PCDH9: variants seen among roughly 807,000 people sequenced by gnomAD.
The protein encoded by PCDH9 is protocadherin-9.
In PCDH9, 24 loss-of-function variants were observed where a neutral mutation model predicts 70.6. That is an observed-to-expected ratio of 0.34 (90% CI 0.25 to 0.48). The LOEUF (loss-of-function observed/expected upper bound fraction) is 0.48. Ranked by LOEUF, PCDH9 falls within the 20% of genes least tolerant of loss-of-function variation. PCDH9 has a pLI of 0.99. For missense variants in PCDH9, 1,281 were observed against 1,503.6 expected, an observed-to-expected ratio of 0.85 and a Z score of 2.45; for synonymous variants, 562 against 558.5, an observed-to-expected ratio of 1.01 and a Z score of -0.09.
chr13:67,224,939 A>C, intron 2 of PCDH9: 2 of 1,000,092 alleles, frequency 2.0e-6, no homozygotes, highest in Non-Finnish European at 2.4e-6. Flanking sequence ...ACTAAAAAAA[A>C]AATTAACCCC....
intron 4 of PCDH9, among the ~76,000 whole-genome samples, chr13:66,473,966 T>C (rs1958669941): frequency 6.6e-6 from 1 of 152,178 alleles, no homozygotes; most frequent in Admixed American, 6.5e-5. Context: ...GATCTTGATA[T>C]GTGTATAGCA....
intron 4 of PCDH9, among the ~76,000 whole-genome samples, chr13:66,309,645 TTGATA>T (rs148938906): frequency 0.015 from 2,322 of 151,982 alleles, 54 homozygotes; most frequent in African/African-American, 0.054. Context: ...TCCTTTTTCT[TTGATA>T]TATTTTTATT....
intron 2 of PCDH9, among the ~76,000 whole-genome samples, chr13:67,137,699 G>A (rs1442232565): frequency 6.6e-6 from 1 of 151,954 alleles, no homozygotes; most frequent in Non-Finnish European, 1.5e-5. Flanking sequence ...AGCTACTAAT[G>A]TCCTATTTAT....
chr13:66,325,823 C>T (rs1157166592), intron 4 of PCDH9, among the ~76,000 whole-genome samples: 1 of 152,120 alleles, frequency 6.6e-6, no homozygotes. Context: ...AAAATAGTCA[C>T]AGAATTAGAT....
chr13:66,747,413 G>A (rs2079387234), intron 3 of PCDH9, among the ~76,000 whole-genome samples: 1 of 151,552 alleles, frequency 6.6e-6, no homozygotes, highest in Admixed American at 6.6e-5. Flanking sequence ...GCATATATAT[G>A]GCATGACCAA....
intron 4 of PCDH9, among the ~76,000 whole-genome samples, chr13:66,623,625 A>C (rs1326090351): frequency 6.6e-6 from 1 of 152,088 alleles, no homozygotes; most frequent in Non-Finnish European, 1.5e-5. Flanking sequence ...TTTTTTGTAC[A>C]GACACGGTCT....
At chr13:67,137,263 G>T (rs2138346370) in intron 2 of PCDH9, among the ~76,000 whole-genome samples, 1 of 152,166 alleles carries the variant, frequency 6.6e-6, no homozygotes, top group East Asian at 1.9e-4. Context: ...GCTTGATACG[G>T]GTGAGCCAAG....
At chr13:66,913,550 T>A (rs10492592) in intron 2 of PCDH9, among the ~76,000 whole-genome samples, 1 of 151,874 alleles carries the variant, frequency 6.6e-6, no homozygotes, top group African/African-American at 2.4e-5. Context: ...ATCATCTGAC[T>A]TAGTTTCACA....
rs145103548 is a variant in PCDH9 at position 66,893,690 on chromosome 13, A to T, written c.3138+9814T>A. ...AAAACACATGTGCACGCAATAACAT[A>T]TACAACTAAAATAAAAGTTTAACTG... On this transcript the variant is annotated intron_variant, in intron 3 of 4. Coordinates refer to ENST00000377865, the MANE Select transcript of PCDH9 (RefSeq NM_203487.3). Among the ~76,000 whole-genome samples the T allele has an allele frequency of 8.9e-4, 135 of 152,272 alleles. 1 individual carries two copies. In the East Asian group the frequency reaches 0.025, roughly 28 times the overall value.
chr13:66,513,199 T>TTG (rs1006607983), intron 4 of PCDH9, among the ~76,000 whole-genome samples: 8 of 151,208 alleles, frequency 5.3e-5, no homozygotes, highest in Non-Finnish European at 8.8e-5. Context: ...CACGTGTTTT[T>TTG]TTTTTTTTTT....
chr13:66,437,423 A>AAAT (rs1318399188), intron 4 of PCDH9, among the ~76,000 whole-genome samples: 1 of 149,878 alleles, frequency 6.7e-6, no homozygotes, highest in Non-Finnish European at 1.5e-5. Flanking sequence ...AAAAAAAAAA[A>AAAT]AAAGGAGAGA....
At chr13:66,962,116 A>G (rs1313078822) in intron 2 of PCDH9, among the ~76,000 whole-genome samples, 3 of 152,228 alleles carry the variant, frequency 2.0e-5, no homozygotes, top group African/African-American at 7.2e-5. Context: ...TTGGCTAATA[A>G]AAATTGTAAA....
At chr13:66,973,666 C>A (rs1411360293) in intron 2 of PCDH9, among the ~76,000 whole-genome samples, 1 of 152,022 alleles carries the variant, frequency 6.6e-6, no homozygotes, top group Non-Finnish European at 1.5e-5. Context: ...AGGCATGATA[C>A]AAACCTTGGG....
chr13:66,745,036 T>C (rs1406829303), intron 3 of PCDH9, among the ~76,000 whole-genome samples: 2 of 152,194 alleles, frequency 1.3e-5, no homozygotes, highest in African/African-American at 2.4e-5. Flanking sequence ...AACGTAGCTA[T>C]ATAAACTTAG....
At chr13:66,754,126 G>GA (rs1359953036) in intron 3 of PCDH9, among the ~76,000 whole-genome samples, 5 of 151,934 alleles carry the variant, frequency 3.3e-5, no homozygotes, top group African/African-American at 1.2e-4. Context: ...ATCAGGAACA[G>GA]AAAACCAAAC....
At chr13:66,568,932 A>G (rs1320810995) in intron 4 of PCDH9, among the ~76,000 whole-genome samples, 1 of 148,288 alleles carries the variant, frequency 6.7e-6, no homozygotes, top group Non-Finnish European at 1.5e-5. Flanking sequence ...ACTAAGTACT[A>G]TGTAGTATGA....
Position 66,304,751 on chromosome 13 carries a change from G to A in PCDH9, c.3618C>T (p.Asn1206=). The A allele has an allele frequency of 6.2e-7, 1 of 1,613,114 alleles. No homozygotes were observed. The highest frequency in any genetic ancestry group is 8.5e-7 in the Non-Finnish European group (1 of 1,179,358). Residue 1206 remains asparagine (N), a synonymous_variant, in exon 5 of 5, where the codon AAC becomes AAT. Transcript: ENST00000377865. ...KQYGSNEGHF[N]NGSHMTDIPL... ...GAATGTCTGTCATGTGGCTGCCATT[G>A]TTGAAATGGCCTTCATTGGAGCCAT...
chr13:66,610,229 AG>A (rs940833952), intron 4 of PCDH9, among the ~76,000 whole-genome samples: 4 of 152,042 alleles, frequency 2.6e-5, no homozygotes, highest in African/African-American at 9.7e-5. Context: ...GAGAGAGAAC[AG>A]GGGTAAGGGG....
At chr13:67,011,337 T>G (rs2084448429) in intron 2 of PCDH9, among the ~76,000 whole-genome samples, 1 of 151,874 alleles carries the variant, frequency 6.6e-6, no homozygotes, top group Non-Finnish European at 1.5e-5. Context: ...AATTACAAAT[T>G]TATCATTTAT....
Sources: allele counts gnomAD v4.1 joint callset (sites outside exome capture counted in the v4.1 genomes callset), GRCh38; gene constraint gnomAD v4.1.1; transcripts MANE v1.5; gene names NCBI Gene and HGNC (gene_info 2026-07-23, HGNC 2026-07-21).